The following MAP4K4 variants were observed in gnomAD, a reference collection of about 807,000 sequenced individuals.
The protein encoded by MAP4K4 is HPK/GCK-like kinase HGK.
In MAP4K4, 38 loss-of-function variants were observed where a neutral mutation model predicts 189.6. The observed-to-expected ratio is 0.20, with a 90% CI of 0.15 to 0.26. MAP4K4 has a LOEUF of 0.26. Among genes scored for constraint, MAP4K4 ranks in the 10% least tolerant of loss-of-function variants. The pLI is 1.00. For synonymous variants in MAP4K4, 610 were observed against 624.3 expected, an observed-to-expected ratio of 0.98 and a Z score of 0.34; for missense variants, 1,054 against 1,726.9, an observed-to-expected ratio of 0.61 and a Z score of 6.91.
intron 2 of MAP4K4, among the ~76,000 whole-genome samples, chr2:101,745,328 A>ACCCCC (rs1210718503): frequency 1.8e-5 from 1 of 54,878 alleles, no homozygotes; most frequent in African/African-American, 1.0e-4. Flanking sequence ...TGAAAATATC[A>ACCCCC]CCCCCCCCCC....
At chr2:101,877,071 T>C (rs1307444342) in exon 27 of MAP4K4, 1 of 1,613,986 alleles carries the variant, frequency 6.2e-7, no homozygotes, top group African/African-American at 1.3e-5. Context: ...AGGGAAGGTC[T>C]ATCCTCTTAT....
chr2:101,738,861 AC>A (rs1432236747), intron 2 of MAP4K4, among the ~76,000 whole-genome samples: 1 of 151,898 alleles, frequency 6.6e-6, no homozygotes, highest in Non-Finnish European at 1.5e-5. Flanking sequence ...GAACCCAAGA[AC>A]CCATTTTTGT....
At position 101,834,751 on chromosome 2, in the gene MAP4K4, T is replaced by C. The variant is rs1440081040; in HGVS notation, c.694+288T>C. Among the ~76,000 whole-genome samples the C allele has an allele frequency of 2.0e-5, 3 of 152,374 alleles. No individual in the cohort carries two copies. The East Asian group carries it at 5.8e-4, about 29-fold the overall frequency. ...AGTGCTGAGATCAGATAATAAGTAGTAAGTTTTCTTTTTACATTTTAAATT... is the reference window on the plus strand; with the variant it reads ...AGTGCTGAGATCAGATAATAAGTAGCAAGTTTTCTTTTTACATTTTAAATT... On this transcript the variant is annotated intron_variant, in intron 8 of 32. Transcript: ENST00000324219.
intron 2 of MAP4K4, 46 bp from the exon 3 acceptor site, chr2:101,790,674 C>CA: frequency 1.4e-6 from 2 of 1,433,100 alleles, no homozygotes; most frequent in Non-Finnish European, 1.9e-6. Flanking sequence ...AATGATTGTG[C>CA]AAAAAAATTG....
exon 33 of MAP4K4, chr2:101,893,056 C>A (rs1289125664): frequency 6.6e-6 from 3 of 456,352 alleles, no homozygotes; most frequent in South Asian, 4.6e-5. Context: ...CCCTCTGCTC[C>A]CACCCACCTA....
chr2:101,813,138 A>T (rs1351544128), intron 3 of MAP4K4, among the ~76,000 whole-genome samples: 2 of 152,174 alleles, frequency 1.3e-5, no homozygotes, highest in African/African-American at 4.8e-5. Flanking sequence ...AAATAAATAA[A>T]TTGGATTACA....
chr2:101,797,096 C>A, intron 3 of MAP4K4: 1 of 554,066 alleles, frequency 1.8e-6, no homozygotes, highest in Non-Finnish European at 2.7e-6. Context: ...TAACACAAGG[C>A]CATATAACAC....
chr2:101,837,607 T>C (rs1325451767), intron 9 of MAP4K4, among the ~76,000 whole-genome samples: 1 of 152,104 alleles, frequency 6.6e-6, no homozygotes, highest in African/African-American at 2.4e-5. Context: ...ACCATCAGTG[T>C]ATATAGCTGA....
chr2:101,825,865 C>A (rs1283015073), intron 5 of MAP4K4, among the ~76,000 whole-genome samples: 2 of 152,146 alleles, frequency 1.3e-5, no homozygotes, highest in Non-Finnish European at 2.9e-5. Context: ...GAGTCTGTTA[C>A]AATATTTATG....
chr2:101,888,680 A>G, intron 31 of MAP4K4, 116 bp from the exon 32 acceptor site: 1 of 765,026 alleles, frequency 1.3e-6, no homozygotes, highest in Non-Finnish European at 1.9e-6. Flanking sequence ...AGGCATTTAA[A>G]TTTTAAATTT....
At chr2:101,740,745 A>G (rs2062362515) in intron 2 of MAP4K4, among the ~76,000 whole-genome samples, 1 of 152,078 alleles carries the variant, frequency 6.6e-6, no homozygotes, top group African/African-American at 2.4e-5. Flanking sequence ...ATAAGCAAAG[A>G]CCTTCCCTTA....
At chr2:101,749,111 T>G (rs1375012804) in intron 2 of MAP4K4, among the ~76,000 whole-genome samples, 1 of 149,018 alleles carries the variant, frequency 6.7e-6, no homozygotes, top group Non-Finnish European at 1.5e-5. Flanking sequence ...TTCAATGCCA[T>G]CCCCATCAAG....
intron 2 of MAP4K4, among the ~76,000 whole-genome samples, chr2:101,716,689 T>G (rs2048599356): frequency 6.6e-6 from 1 of 152,154 alleles, no homozygotes; most frequent in Non-Finnish European, 1.5e-5. Flanking sequence ...GTCAGTAATT[T>G]GGACTGGGGC....
chr2:101,739,378 C>G (rs1004365666), intron 2 of MAP4K4, among the ~76,000 whole-genome samples: 9 of 149,222 alleles, frequency 6.0e-5, no homozygotes, highest in African/African-American at 2.2e-4. Context: ...GATAGGAGTC[C>G]TAAAGTCTTT....
chr2:101,835,944 A>G, exon 9 of MAP4K4: 1 of 1,613,826 alleles, frequency 6.2e-7, no homozygotes, highest in Non-Finnish European at 8.5e-7. Flanking sequence ...TCTCATTCCC[A>G]GAAACCCTCC....
chr2:101,761,695 A>G (rs1171164711), intron 2 of MAP4K4, among the ~76,000 whole-genome samples: 2 of 151,786 alleles, frequency 1.3e-5, no homozygotes, highest in African/African-American at 4.8e-5. Flanking sequence ...AGCTGGGATT[A>G]CAGGTGCACG....
intron 2 of MAP4K4, among the ~76,000 whole-genome samples, chr2:101,729,101 A>AGAGAGAGAGAGT (rs149283961): frequency 1.5e-5 from 2 of 130,504 alleles, no homozygotes; most frequent in Admixed American, 7.7e-5. Flanking sequence ...AGAGAGAGAG[A>AGAGAGAGAGAGT]GTGTGTGTGT....
At chr2:101,778,347 C>T (rs1361490606) in intron 2 of MAP4K4, among the ~76,000 whole-genome samples, 1 of 152,196 alleles carries the variant, frequency 6.6e-6, no homozygotes, top group Non-Finnish European at 1.5e-5. Flanking sequence ...GGGGTCCCCA[C>T]CTAATCTCCA....
chr2:101,698,566 C>A (rs2035988372), intron 2 of MAP4K4, 28 bp downstream of exon 2: 8 of 1,604,584 alleles, frequency 5.0e-6, no homozygotes, highest in Non-Finnish European at 6.8e-6. Context: ...CTTTGTTTCC[C>A]GTGGCATGTG....
Sources: gnomAD v4.1 joint callset for allele counts (sites outside exome capture counted in the v4.1 genomes callset) on GRCh38, gnomAD v4.1.1 for gene constraint, MANE v1.5 for transcripts, NCBI Gene and HGNC (gene_info 2026-07-23, HGNC 2026-07-21) for gene names.